SLC7A10: variants seen among roughly 807,000 people sequenced by gnomAD.
The protein encoded by SLC7A10 is solute carrier family 7 member 10, also known as asc-type amino acid transporter 1.
SLC7A10 carries 30 observed loss-of-function variants against 52.7 expected under a neutral mutation model. That is an observed-to-expected ratio of 0.57 (90% CI 0.43 to 0.77). The LOEUF is 0.77. Among genes scored for constraint, SLC7A10 ranks in the 30% least tolerant of loss-of-function variants. The pLI is 0.00. For missense variants in SLC7A10, 581 were observed against 698.5 expected (o/e 0.83, Z 1.90); for synonymous variants, 318 against 314.9 (o/e 1.01, Z -0.10).
At chr19:33,213,068 A>G in intron 2 of SLC7A10, 66 bp from the exon 3 acceptor site, 1 of 1,547,626 alleles carries the variant, frequency 6.5e-7, no homozygotes, top group Non-Finnish European at 8.7e-7. Flanking sequence ...CCTGGCCCTG[A>G]TGTGTGCAGC....
At chr19:33,213,051 C>T (rs562197898) in intron 2 of SLC7A10, 49 bp from the exon 3 acceptor site, 36 of 1,554,792 alleles carry the variant, frequency 2.3e-5, no homozygotes, top group African/African-American at 5.4e-5. Context: ...GAGCCCTTCC[C>T]GGCCAACCTG....
chr19:33,217,192 G>T (rs1333595266), intron 1 of SLC7A10, among the ~76,000 whole-genome samples: 1 of 151,668 alleles, frequency 6.6e-6, no homozygotes, highest in Admixed American at 6.6e-5. Context: ...AAAAAAAATT[G>T]TAGAGTTGAG....
In SLC7A10 at chr19:33,210,370, C is replaced by G; in HGVS notation, c.1263+97G>C. ...AGCAGGGCCCAACACTCCACAAAAG[C>G]TGGCACCTCCCATCCCACCTGCCCC... On this transcript the variant is annotated intron_variant, in intron 9 of 10. Coordinates refer to ENST00000253188, the MANE Select transcript of SLC7A10 (RefSeq NM_019849.3). The surrounding 1 kb of genome is among the most constrained non-coding windows in gnomAD (Gnocchi z 5.6). 2.0e-6 allele frequency: 3 copies of G among 1,465,224 alleles called. No individual in the cohort carries two copies. Among genetic ancestry groups the G allele is most frequent in the Non-Finnish European group, 2.8e-6 (3 of 1,087,884 alleles). The allele number at this position is 1,465,224 out of a possible 1,614,324, so 90.8% of individuals were successfully genotyped here.
chr19:33,225,750 C>T lies in SLC7A10; in HGVS notation c.-47G>A, dbSNP rs543123663. ...CGCTCCCTGCGCTGCCCCGTCTGTC[C>T]GGCCGGCCGCCCGTCGGTCCGTCGG... is the stretch of plus-strand genomic sequence containing the variant. On this transcript the variant is annotated 5_prime_UTR_variant, in exon 1 of 11. Coordinates refer to ENST00000253188, the MANE Select transcript of SLC7A10 (RefSeq NM_019849.3). 1.9e-5 allele frequency: 27 copies of T among 1,454,090 alleles called. No homozygotes were observed. The highest frequency in any genetic ancestry group is 7.4e-5 in the African/African-American group (5 of 67,288). The allele number at this position is 1,454,090 out of a possible 1,614,324, so 90.1% of individuals were successfully genotyped here.
intron 1 of SLC7A10, among the ~76,000 whole-genome samples, chr19:33,223,307 CAGAA>C (rs1568396848): frequency 3.6e-5 from 1 of 28,120 alleles, no homozygotes; most frequent in Non-Finnish European, 8.3e-5. Context: ...GACTCTGTCT[CAGAA>C]AAAAAAAAAA....
In SLC7A10 at chr19:33,225,816, A is replaced by G; in HGVS notation, c.-113T>C. On this transcript the variant is annotated 5_prime_UTR_variant, in exon 1 of 11. Transcript: ENST00000253188. ...CCCTCGCAGCCGGGACAGCGCCCACAGGCGGGCGCATGCGCTGGCTCCGGG... is the reference window on the plus strand; with the variant it reads ...CCCTCGCAGCCGGGACAGCGCCCACGGGCGGGCGCATGCGCTGGCTCCGGG... The G allele has an allele frequency of 2.5e-6, 3 of 1,205,542 alleles. No individual in the cohort carries two copies. The highest frequency in any genetic ancestry group is 7.1e-5 in the East Asian group (2 of 28,066). 74.7% of individuals were successfully genotyped at this position (1,205,542 alleles called of 1,614,324 possible).
At chr19:33,215,650 A>ATCCAGCCCCCCCACCTTCTCTCCC in intron 2 of SLC7A10, 119 bp downstream of exon 2, 1 of 723,478 alleles carries the variant, frequency 1.4e-6, no homozygotes, top group Non-Finnish European at 1.8e-6. Context: ...CCTTCTCTCC[A>ATCCAGCCCCCCCACCTTCTCTCCC]TCCACCCCCA....
Position 33,210,034 on chromosome 19 carries a change from G to A in SLC7A10, c.1263+433C>T, listed in dbSNP as rs771457047. 7.3e-5 allele frequency among the ~76,000 whole-genome samples: 11 copies of A among 151,062 alleles called. No homozygotes were observed. Among genetic ancestry groups the A allele is most frequent in the East Asian group, 5.8e-4 (3 of 5,158 alleles). ...CCGCTCACTGCAGCCTCAACCTCCCGGGCTCAAGCGATCCTCCCATTTCAG... is the reference window on the plus strand; with the variant it reads ...CCGCTCACTGCAGCCTCAACCTCCCAGGCTCAAGCGATCCTCCCATTTCAG... On this transcript the variant is annotated intron_variant, in intron 9 of 10. Coordinates refer to ENST00000253188, the MANE Select transcript of SLC7A10 (RefSeq NM_019849.3). The surrounding 1 kb of genome is among the most constrained non-coding windows in gnomAD (Gnocchi z 5.6).
At chr19:33,214,145 C>T (rs1483558299) in intron 2 of SLC7A10, among the ~76,000 whole-genome samples, 2 of 152,140 alleles carry the variant, frequency 1.3e-5, no homozygotes, top group Non-Finnish European at 2.9e-5. Flanking sequence ...TCTCCAGGCC[C>T]GAAGCATGAT....
chr19:33,211,666 G>C, intron 5 of SLC7A10, 129 bp from the exon 6 acceptor site: 1 of 1,540,618 alleles, frequency 6.5e-7, no homozygotes, highest in Non-Finnish European at 8.8e-7. Context: ...AGGAAAGGGG[G>C]CAGCATTGCT....
chr19:33,209,012 G>C lies in SLC7A10; in HGVS notation c.1451C>G (p.Thr484Arg). ...GAAACACAGCTCCTGGCCCCAGTGTGTCATGGACTCTGAGGACAGACAGAT... is the reference window on the plus strand; with the variant it reads ...GAAACACAGCTCCTGGCCCCAGTGTCTCATGGACTCTGAGGACAGACAGAT... ...KCVHRLTESM[T>R]HWGQELCFVV... Residue 484 changes from threonine (T) to arginine (R), a missense_variant, in exon 11 of 11, where the codon ACA becomes AGA. Thr to Arg is a moderately conservative substitution (Grantham distance 71). Transcript: ENST00000253188. 1.2e-6 allele frequency: 2 copies of C among 1,613,782 alleles called. No homozygotes were observed. The highest frequency in any genetic ancestry group is 1.7e-6 in the Non-Finnish European group (2 of 1,180,028).
intron 7 of SLC7A10, 93 bp downstream of exon 7, chr19:33,211,132 G>A (rs762836806): frequency 6.4e-6 from 8 of 1,242,576 alleles, no homozygotes; most frequent in Non-Finnish European, 9.5e-6. Flanking sequence ...CCCTCCCCCG[G>A]CAGGTGTCCC....
In SLC7A10 at chr19:33,213,022, G is replaced by A. The variant is rs753273480; in HGVS notation, c.357-20C>T. The A allele has an allele frequency of 6.3e-7, 1 of 1,578,720 alleles. No homozygotes were observed. Among genetic ancestry groups the A allele is most frequent in the African/African-American group, 1.3e-5 (1 of 74,364 alleles). On this transcript the variant is annotated intron_variant, in intron 2 of 10. Transcript: ENST00000253188. ...AGAAAGCTGGAAGGAGCAGGGGCGG[G>A]AGTGGCTCAAGCTGCCCAGAGCCCT...
chr19:33,222,046 A>C (rs1274418485), intron 1 of SLC7A10, among the ~76,000 whole-genome samples: 1 of 152,140 alleles, frequency 6.6e-6, no homozygotes, highest in Non-Finnish European at 1.5e-5. Context: ...CTTGGTCCCC[A>C]ACCCTCCCCC....
At position 33,210,360 on chromosome 19, in the gene SLC7A10, T is replaced by G; in HGVS notation, c.1263+107A>C. 2 of 1,407,640 alleles carry G rather than the reference T, an allele frequency of 1.4e-6. No individual in the cohort carries two copies. Among genetic ancestry groups the G allele is most frequent in the East Asian group, 2.5e-5 (1 of 40,092 alleles). 87.2% of individuals were successfully genotyped at this position (1,407,640 alleles called of 1,614,324 possible). On this transcript the variant is annotated intron_variant, in intron 9 of 10. Transcript: ENST00000253188. This position sits in a 1 kb window ranked among gnomAD's most constrained non-coding sequence, Gnocchi z 5.6. ...GAGAGCCCTGAGCAGGGCCCAACAC[T>G]CCACAAAAGCTGGCACCTCCCATCC...
At chr19:33,216,092 A>G in intron 1 of SLC7A10, 119 bp from the exon 2 acceptor site, 1 of 883,258 alleles carries the variant, frequency 1.1e-6, no homozygotes, top group Non-Finnish European at 1.7e-6. Flanking sequence ...CCGGAGGAGG[A>G]GGAGGCAGGA....
rs1293433425 is a variant in SLC7A10, at chr19:33,225,687, T to C, written c.17A>G (p.Gln6Arg). ...GGGGTTCCCGCGCCCGCTCGGCTGC[T>C]GCGTGTGGCCGGCCATGTCGCTGTC... MAGHTQQPSGRGNPRP... is the reference protein window; with the variant it reads MAGHTRQPSGRGNPRP... Residue 6 changes from glutamine (Q) to arginine (R), a missense_variant, in exon 1 of 11, where the codon CAG (glutamine) becomes CGG (arginine). By Grantham distance (43) the Gln-to-Arg change is conservative. Transcript: ENST00000253188. 2.6e-6 allele frequency: 4 copies of C among 1,543,754 alleles called. No homozygotes were observed. Among genetic ancestry groups the C allele is most frequent in the Non-Finnish European group, 3.5e-6 (4 of 1,154,904 alleles).
At chr19:33,218,733 G>A (rs1974751706) in intron 1 of SLC7A10, among the ~76,000 whole-genome samples, 1 of 101,572 alleles carries the variant, frequency 9.8e-6, no homozygotes, top group Non-Finnish European at 2.1e-5. Context: ...GGCCAGGCTG[G>A]TCTCGAACTC....
chr19:33,223,114 C>T (rs1974847768), intron 1 of SLC7A10, among the ~76,000 whole-genome samples: 1 of 152,044 alleles, frequency 6.6e-6, no homozygotes, highest in African/African-American at 2.4e-5. Context: ...TCGAGACCAG[C>T]CTGGCCAACA....
Sources: gnomAD v4.1 joint callset for allele counts (sites outside exome capture counted in the v4.1 genomes callset) on GRCh38, gnomAD v4.1.1 for gene constraint, Gnocchi (gnomAD v3.1) non-coding constraint, MANE v1.5 for transcripts, NCBI Gene and HGNC (gene_info 2026-07-23, HGNC 2026-07-21) for gene names.